NR3C2: variants seen among roughly 807,000 people sequenced by gnomAD.
The protein encoded by NR3C2 is mineralocorticoid receptor.
A neutral mutation model predicts 86.4 loss-of-function variants in NR3C2; 15 were observed. That is an observed-to-expected ratio of 0.17 (90% CI 0.12 to 0.27). The LOEUF (loss-of-function observed/expected upper bound fraction) is 0.27, where lower values mean the gene tolerates loss of function less well. NR3C2 is among the 10% of genes least tolerant of loss of function. The probability of loss-of-function intolerance (pLI) is 1.00; values close to 1 mark genes in which losing one functional copy is unlikely to be tolerated. For missense variants in NR3C2, 960 were observed against 1,195.6 expected (o/e 0.80, Z 2.91); for synonymous variants, 458 against 450.5 (o/e 1.02, Z -0.21).
chr4:148,229,936 A>G (rs1359830339), intron 3 of NR3C2, among the ~76,000 whole-genome samples: 1 of 152,022 alleles, frequency 6.6e-6, no homozygotes, highest in Non-Finnish European at 1.5e-5. Flanking sequence ...GCTAACTCCA[A>G]TCTCAACTCC....
At chr4:148,263,181 A>G (rs966825730) in intron 2 of NR3C2, among the ~76,000 whole-genome samples, 3 of 152,208 alleles carry the variant, frequency 2.0e-5, no homozygotes, top group African/African-American at 7.2e-5. Flanking sequence ...AAATCCTTAC[A>G]GCCAGCTCCA....
intron 3 of NR3C2, among the ~76,000 whole-genome samples, chr4:148,227,591 C>T (rs979579596): frequency 6.6e-6 from 1 of 152,056 alleles, no homozygotes; most frequent in Middle Eastern, 3.2e-3. Flanking sequence ...ATGGTGATGG[C>T]CAAGTAGTGT....
intron 1 of NR3C2, among the ~76,000 whole-genome samples, chr4:148,440,789 CTT>C (rs1284851842): frequency 6.6e-6 from 1 of 152,100 alleles, no homozygotes; most frequent in African/African-American, 2.4e-5. Context: ...TAAAGAAGTA[CTT>C]TTTTCGGGAA....
intron 5 of NR3C2, among the ~76,000 whole-genome samples, chr4:148,153,322 T>C (rs568457727): frequency 2.6e-5 from 4 of 152,050 alleles, no homozygotes; most frequent in Non-Finnish European, 5.9e-5. Context: ...GGGTTACAGG[T>C]GCCTGCCAGG....
chr4:148,442,749 G>C (rs1579305268), upstream of NR3C2: 1 of 985,428 alleles, frequency 1.0e-6, no homozygotes, highest in Non-Finnish European at 1.2e-6. Context: ...GCGGGAGCTT[G>C]GGGTGCCGGG....
chr4:148,421,425 T>C (rs1749275243), intron 2 of NR3C2, among the ~76,000 whole-genome samples: 1 of 152,120 alleles, frequency 6.6e-6, no homozygotes, highest in African/African-American at 2.4e-5. Flanking sequence ...ATATAGTCTT[T>C]CTTTCTTCTC....
At chr4:148,264,873 A>G (rs1321950487) in intron 2 of NR3C2, among the ~76,000 whole-genome samples, 1 of 152,212 alleles carries the variant, frequency 6.6e-6, no homozygotes, top group African/African-American at 2.4e-5. Flanking sequence ...AGCTAATTAT[A>G]TAACACTTAA....
intron 2 of NR3C2, among the ~76,000 whole-genome samples, chr4:148,284,199 T>C (rs984696580): frequency 5.9e-5 from 9 of 152,118 alleles, no homozygotes; most frequent in African/African-American, 2.2e-4. Flanking sequence ...TAGAGCCTTA[T>C]GTATGGAACA....
intron 2 of NR3C2, among the ~76,000 whole-genome samples, chr4:148,308,190 T>C (rs1236915571): frequency 6.6e-6 from 1 of 152,140 alleles, no homozygotes; most frequent in Non-Finnish European, 1.5e-5. Context: ...TCTACGGATC[T>C]GTGGAGGTGA....
intron 6 of NR3C2, chr4:148,146,527 C>T (rs28482137): frequency 0.13 from 19,488 of 152,408 alleles, 1,394 homozygotes; most frequent in African/African-American, 0.17. Flanking sequence ...ACTGACCCAG[C>T]GACTGGGGAC....
chr4:148,288,640 T>C (rs1206863624), intron 2 of NR3C2, among the ~76,000 whole-genome samples: 2 of 152,246 alleles, frequency 1.3e-5, no homozygotes, highest in African/African-American at 2.4e-5. Context: ...CTCTCTTATA[T>C]ACTTTATCTG....
At position 148,154,609 on chromosome 4, in the gene NR3C2, G is replaced by A. The variant is rs770153717; in HGVS notation, c.2307C>T (p.Leu769=). 4 of 1,614,092 alleles carry A rather than the reference G, an allele frequency of 2.5e-6. No homozygotes were observed. Among genetic ancestry groups the A allele is most frequent in the Admixed American group, 1.7e-5 (1 of 60,012 alleles). ...TCATCTGTTTGCCTGCTAAGCGGTT[G>A]AGCGTGGAGAGCAGATTTTCGGCTG... The part of the protein sequence containing the change: ...PDTAENLLST[L]NRLAGKQMIQ... The change falls in exon 5 of 9, where the codon CTC becomes CTT. Residue 769 remains leucine (L), a synonymous_variant. Coordinates refer to ENST00000358102, the MANE Select transcript of NR3C2 (RefSeq NM_000901.5).
At chr4:148,104,921 C>T (rs1731725117) in intron 8 of NR3C2, among the ~76,000 whole-genome samples, 1 of 152,154 alleles carries the variant, frequency 6.6e-6, no homozygotes, top group Non-Finnish European at 1.5e-5. Flanking sequence ...CTATTTTGGC[C>T]TCAGAACATT....
intron 2 of NR3C2, among the ~76,000 whole-genome samples, chr4:148,426,588 G>C (rs1016909188): frequency 6.6e-6 from 1 of 152,060 alleles, no homozygotes; most frequent in African/African-American, 2.4e-5. Context: ...GCACGATCTT[G>C]GTTCTCTACA....
chr4:148,098,971 A>G (rs1731417222), intron 8 of NR3C2, among the ~76,000 whole-genome samples: 3 of 152,100 alleles, frequency 2.0e-5, no homozygotes, highest in South Asian at 2.1e-4. Context: ...TTTTTATAGC[A>G]TATCAGTGAG....
chr4:148,443,987 C>T, upstream of NR3C2: 1 of 985,142 alleles, frequency 1.0e-6, no homozygotes, highest in Non-Finnish European at 1.2e-6. Context: ...CGGTCCCCAG[C>T]TTGGAGCTGC....
At chr4:148,252,147 A>C (rs1739609267) in intron 3 of NR3C2, among the ~76,000 whole-genome samples, 1 of 152,220 alleles carries the variant, frequency 6.6e-6, no homozygotes, top group Admixed American at 6.5e-5. Flanking sequence ...ATTTGATAGA[A>C]TTATCAAGAG....
At position 148,233,548 on chromosome 4, in the gene NR3C2, T is replaced by C. The variant is rs117535666; in HGVS notation, c.1897+26430A>G. 1.1e-3 allele frequency among the ~76,000 whole-genome samples: 163 copies of C among 151,986 alleles called. 2 individuals carry two copies. In the East Asian group the frequency reaches 0.029, roughly 27 times the overall value. Reference sequence around the variant, plus strand: ...GATAATTTTGTATGTTTTGTAGAGATGAGGTTTCACCATGTTGTCCAGGCT... The same window carrying C: ...GATAATTTTGTATGTTTTGTAGAGACGAGGTTTCACCATGTTGTCCAGGCT... On this transcript the variant is annotated intron_variant, in intron 3 of 8. Coordinates refer to ENST00000358102, the MANE Select transcript of NR3C2 (RefSeq NM_000901.5).
intron 4 of NR3C2, among the ~76,000 whole-genome samples, chr4:148,158,193 C>G (rs1035516576): frequency 6.6e-6 from 1 of 152,118 alleles, no homozygotes; most frequent in East Asian, 1.9e-4. Flanking sequence ...CAGATACTTC[C>G]GATGAATGGA....
Sources: gnomAD v4.1 joint callset for allele counts (sites outside exome capture counted in the v4.1 genomes callset) on GRCh38, gnomAD v4.1.1 for gene constraint, MANE v1.5 for transcripts, NCBI Gene and HGNC (gene_info 2026-07-23, HGNC 2026-07-21) for gene names.